TCF20: variants seen among roughly 807,000 people sequenced by gnomAD.
TCF20 encodes the protein transcription factor 20.
Under a neutral mutation model 148.6 loss-of-function variants are expected in TCF20, and 3 were observed. That is an observed-to-expected ratio of 0.02 (90% CI 0.01 to 0.05). TCF20 has a LOEUF of 0.05. TCF20 is among the 10% of genes least tolerant of loss of function. The pLI is 1.00. For missense variants in TCF20, 2,350 were observed against 2,429.3 expected (o/e 0.97, Z 0.69); for synonymous variants, 1,049 against 909.5 (o/e 1.15, Z -2.76).
intron 1 of TCF20, among the ~76,000 whole-genome samples, chr22:42,320,055 G>C (rs1441756012): frequency 1.3e-5 from 2 of 152,136 alleles, no homozygotes; most frequent in African/African-American, 4.8e-5. Context: ...TCTCGGTTCA[G>C]GAGTAAGATG....
rs1920971476 is a variant in TCF20, at chr22:42,211,670, A to G, written c.3636T>C (p.Tyr1212=). ...GPPGMSSQKR[Y]GPPHETDGHG... ...GTCCATCAGTCTCATGGGGCGGCCC[A>G]TACCTTTTTTGACTGGACATTCCTG... Residue 1212 remains tyrosine (Y), a synonymous_variant, in exon 2 of 6, where the codon TAT becomes TAC. Transcript: ENST00000677622. 6.2e-7 allele frequency: 1 copy of G among 1,614,058 alleles called. No individual in the cohort carries two copies. The highest frequency in any genetic ancestry group is 1.3e-5 in the African/African-American group (1 of 74,918).
chr22:42,202,780 G>C (rs1938126705), intron 2 of TCF20, among the ~76,000 whole-genome samples: 1 of 152,228 alleles, frequency 6.6e-6, no homozygotes, highest in Admixed American at 6.5e-5. Context: ...TGCAGGACCT[G>C]TGTGCGGCAA....
chr22:42,230,575 G>A (rs1408484662), intron 1 of TCF20, among the ~76,000 whole-genome samples: 1 of 151,932 alleles, frequency 6.6e-6, no homozygotes, highest in Non-Finnish European at 1.5e-5. Context: ...AACCTGGGAG[G>A]TGGAGGTTGC....
At chr22:42,318,876 C>A (rs538176350) in intron 1 of TCF20, among the ~76,000 whole-genome samples, 2 of 152,306 alleles carry the variant, frequency 1.3e-5, no homozygotes, top group East Asian at 3.9e-4. Flanking sequence ...TCCTGATTGA[C>A]CCTGTGGCCA....
chr22:42,282,920 G>C (rs1489812063), intron 1 of TCF20, among the ~76,000 whole-genome samples: 1 of 152,190 alleles, frequency 6.6e-6, no homozygotes, highest in Non-Finnish European at 1.5e-5. Flanking sequence ...GCCCAGCACG[G>C]GCTCCCTCCG....
intron 3 of TCF20, among the ~76,000 whole-genome samples, chr22:42,178,363 T>C (rs931754156): frequency 3.3e-5 from 5 of 152,046 alleles, no homozygotes; most frequent in African/African-American, 9.7e-5. Flanking sequence ...GGGCTTGAGA[T>C]TGGTATATGA....
At chr22:42,268,755 C>T (rs1478911416) in intron 1 of TCF20, among the ~76,000 whole-genome samples, 1 of 152,202 alleles carries the variant, frequency 6.6e-6, no homozygotes, top group Admixed American at 6.5e-5. Context: ...TGTTAAGGTG[C>T]ATTCCACCTA....
chr22:42,284,240 T>C (rs978035993), upstream of TCF20, among the ~76,000 whole-genome samples: 1 of 152,242 alleles, frequency 6.6e-6, no homozygotes, highest in Non-Finnish European at 1.5e-5. Flanking sequence ...GAGTATGTCT[T>C]ATCTCTATAG....
chr22:42,299,812 G>A lies in TCF20; in HGVS notation c.-37+43667C>T, dbSNP rs1421720920. Among the ~76,000 whole-genome samples the A allele has an allele frequency of 1.3e-5, 2 of 151,922 alleles. No individual in the cohort carries two copies. The highest frequency in any genetic ancestry group is 1.9e-4 in the East Asian group (1 of 5,176). ...CAGAGGAGGAGGAAGTGGTGGGGAT[G>A]GGGGAGGGGAAGAGAGAAGGGGGAG... On this transcript the variant is annotated intron_variant, in intron 1 of 1. Coordinates refer to the TCF20 transcript ENST00000515426. The surrounding 1 kb of genome is among the most constrained non-coding windows in gnomAD (Gnocchi z 4.1).
intron 1 of TCF20, chr22:42,277,031 G>T (rs915641616): frequency 6.6e-6 from 1 of 152,160 alleles, no homozygotes; most frequent in Non-Finnish European, 1.5e-5. Context: ...CTATCAGCCT[G>T]GAATACAATG....
Position 42,212,460 on chromosome 22 carries a change from T to G in TCF20, c.2846A>C (p.Asp949Ala). 2 of 1,614,192 alleles carry G rather than the reference T, an allele frequency of 1.2e-6. No homozygotes were observed. Among genetic ancestry groups the G allele is most frequent in the Non-Finnish European group, 1.7e-6 (2 of 1,180,032 alleles). Residue 949 changes from aspartate (D) to alanine (A), a missense_variant, in exon 2 of 6, where the codon GAC becomes GCC. Asp to Ala is a moderately radical substitution (Grantham distance 126, BLOSUM62 -2). This residue lies in a region of TCF20 where 1,641 missense variants were observed against 1,662.6 expected (regional missense o/e 0.99). Coordinates refer to ENST00000677622, the MANE Select transcript of TCF20 (RefSeq NM_001378418.1). ...CTTGATGCTAGGAGGATGGCAGTGGTCTCCAGATTTCTTGTTGTTGAAACT... is the reference window on the plus strand; with the variant it reads ...CTTGATGCTAGGAGGATGGCAGTGGGCTCCAGATTTCTTGTTGTTGAAACT... Reference protein sequence around the residue: ...QASFNNKKSGDHCHPPSIKHE... With the variant: ...QASFNNKKSGAHCHPPSIKHE...
At chr22:42,295,722 G>A (rs1177259305) in intron 1 of TCF20, among the ~76,000 whole-genome samples, 2 of 152,154 alleles carry the variant, frequency 1.3e-5, no homozygotes, top group African/African-American at 4.8e-5. Context: ...TTACAGGCGT[G>A]AGCCACCGCG....
intron 2 of TCF20, among the ~76,000 whole-genome samples, chr22:42,203,430 T>C (rs1261491608): frequency 6.6e-6 from 1 of 152,180 alleles, no homozygotes; most frequent in Admixed American, 6.5e-5. Context: ...CGTAGTAAAA[T>C]TTGAGTCCTT....
At chr22:42,183,075 T>C (rs1299000871) in intron 2 of TCF20, among the ~76,000 whole-genome samples, 3 of 152,224 alleles carry the variant, frequency 2.0e-5, no homozygotes, top group African/African-American at 7.2e-5. Context: ...ATCTGTGTTG[T>C]GAGAAGTCCT....
At chr22:42,268,125 A>T (rs189519391) in intron 1 of TCF20, among the ~76,000 whole-genome samples, 203 of 152,300 alleles carry the variant, frequency 1.3e-3, no homozygotes, top group African/African-American at 4.7e-3. Context: ...CAGCCTGGAC[A>T]ACAGAACAAC....
intron 2 of TCF20, among the ~76,000 whole-genome samples, chr22:42,195,889 C>T (rs1655077990): frequency 6.6e-6 from 1 of 152,194 alleles, no homozygotes; most frequent in South Asian, 2.1e-4. Flanking sequence ...CTACGTGTCT[C>T]TTAAAGAACC....
chr22:42,272,311 A>G (rs961219128), upstream of TCF20, among the ~76,000 whole-genome samples: 1 of 152,228 alleles, frequency 6.6e-6, no homozygotes, highest in Non-Finnish European at 1.5e-5. Context: ...CTCAGCACAA[A>G]TCAATGTTTT....
chr22:42,257,892 A>G (rs1033197045), intron 1 of TCF20, among the ~76,000 whole-genome samples: 9 of 152,362 alleles, frequency 5.9e-5, no homozygotes, highest in South Asian at 2.1e-4. Context: ...CTGTTTTGAT[A>G]TAACACTTAG....
At chr22:42,339,100 G>T (rs1414641316) in intron 1 of TCF20, among the ~76,000 whole-genome samples, 2 of 152,092 alleles carry the variant, frequency 1.3e-5, no homozygotes, top group Non-Finnish European at 2.9e-5. Context: ...CCCTTAACAG[G>T]TGCTCCCCAA....
Sources: gnomAD v4.1 joint callset for allele counts (sites outside exome capture counted in the v4.1 genomes callset) on GRCh38, gnomAD v4.1.1 for gene constraint, gnomAD v4.1.1 regional missense constraint, Gnocchi (gnomAD v3.1) non-coding constraint, MANE v1.5 for transcripts, NCBI Gene and HGNC (gene_info 2026-07-23, HGNC 2026-07-21) for gene names.